C4BPB: variants seen among roughly 807,000 people sequenced by gnomAD.
C4BPB encodes the protein complement component 4 binding protein beta.
Under a neutral mutation model 26.6 loss-of-function variants are expected in C4BPB, and 19 were observed. The ratio of observed to expected loss-of-function variants is 0.71; its 90% CI spans 0.50 to 1.05. C4BPB has a LOEUF of 1.05. Ranked by LOEUF, C4BPB falls within the 50% of genes least tolerant of loss-of-function variation. The pLI, the probability that C4BPB is intolerant of heterozygous loss-of-function variation, is 0.00. For missense variants in C4BPB, 282 were observed against 302.9 expected (o/e 0.93, Z 0.51); for synonymous variants, 118 against 103.5 (o/e 1.14, Z -0.85).
chr1:207,090,317 G>T lies in C4BPB; in HGVS notation c.68G>T (p.Cys23Phe), dbSNP rs1201120041. Reference protein sequence around the residue: ...WRVSASDAEHCPELPPVDNSI... With the variant: ...WRVSASDAEHFPELPPVDNSI... ...TTCTTTTTTCTTCCAGCAGAGCACT[G>T]TCCAGAGCTTCCTCCAGTGGACAAT... Residue 23 changes from cysteine (C) to phenylalanine (F), a missense_variant, in exon 3 of 7, where the codon TGT (cysteine) becomes TTT (phenylalanine). Transcript: ENST00000367078. 1.2e-6 allele frequency: 2 copies of T among 1,612,432 alleles called. No homozygotes were observed. The highest frequency in any genetic ancestry group is 1.7e-5 in the Admixed American group (1 of 59,812).
chr1:207,093,390 G>A (rs552134835), intron 4 of C4BPB, among the ~76,000 whole-genome samples: 195 of 152,250 alleles, frequency 1.3e-3, no homozygotes, highest in Middle Eastern at 3.4e-3. Flanking sequence ...AATACTTGCC[G>A]TATTAGATAG....
chr1:207,093,159 T>C (rs1684105867), intron 4 of C4BPB, among the ~76,000 whole-genome samples: 1 of 152,176 alleles, frequency 6.6e-6, no homozygotes, highest in South Asian at 2.1e-4. Context: ...GAAAATTTAC[T>C]GAAAGATATA....
At chr1:207,093,836 T>C (rs1476278243) in intron 4 of C4BPB, among the ~76,000 whole-genome samples, 2 of 152,042 alleles carry the variant, frequency 1.3e-5, no homozygotes, top group African/African-American at 2.4e-5. Flanking sequence ...TGCAACATAT[T>C]TGATGGTTAA....
chr1:207,090,230 T>C lies in C4BPB; in HGVS notation c.59-78T>C, dbSNP rs546425456. The stretch of plus-strand genomic sequence containing the variant: ...GGATCAATAATCCAGCAAAAAGACA[T>C]GAGAATGGGGAAATCTAATAAGGGT... On this transcript the variant is annotated intron_variant, in intron 2 of 6. Transcript: ENST00000367078. The C allele has an allele frequency of 3.4e-5, 38 of 1,131,698 alleles. No individual in the cohort carries two copies. The East Asian group carries it at 5.3e-4, about 16-fold the overall frequency. The allele number at this position is 1,131,698 out of a possible 1,614,324, so 70.1% of individuals were successfully genotyped here.
rs772368503 is a variant in C4BPB, at chr1:207,091,821, G to T, written c.409+1G>T. On this transcript the variant is annotated splice_donor_variant, in intron 4 of 6. Transcript: ENST00000367078. LOFTEE classifies it high-confidence loss of function. ...CCTCCCTTTCCCATCTGCAAAAGTA[G>T]TAAGTACAAGAGAAACCATCAAGGA... 4 of 1,611,456 alleles carry T rather than the reference G, an allele frequency of 2.5e-6. No individual in the cohort carries two copies. The highest frequency in any genetic ancestry group is 3.4e-6 in the Non-Finnish European group (4 of 1,178,680).
chr1:207,093,155 T>A (rs1684105626), intron 4 of C4BPB, among the ~76,000 whole-genome samples: 1 of 152,146 alleles, frequency 6.6e-6, no homozygotes, highest in Admixed American at 6.5e-5. Flanking sequence ...ATATGAAAAT[T>A]TACTGAAAGA....
At chr1:207,093,393 TTAGA>T (rs1684120462) in intron 4 of C4BPB, among the ~76,000 whole-genome samples, 1 of 152,344 alleles carries the variant, frequency 6.6e-6, no homozygotes, top group African/African-American at 2.4e-5. Flanking sequence ...ACTTGCCGTA[TTAGA>T]TAGTAAAAAA....
chr1:207,095,564 G>C, intron 4 of C4BPB: 1 of 384,756 alleles, frequency 2.6e-6, no homozygotes, highest in Non-Finnish European at 5.2e-6. Context: ...CCTGACCTCA[G>C]GTGATCCACC....
rs1683980639 is a variant in C4BPB, at chr1:207,090,400, A to C, written c.151A>C (p.Lys51Gln). The change falls in exon 3 of 7, where the codon AAG (lysine) becomes CAG (glutamine). Residue 51 changes from lysine to glutamine, a missense_variant. Transcript: ENST00000367078. ...GQILGTYVCIKGYHLVGKKTL... is the reference protein window; with the variant it reads ...GQILGTYVCIQGYHLVGKKTL... ...GATTCTGGGGACTTACGTTTGTATC[A>C]AGGGCTACCACCTGGTAGGAAAGAA... The C allele has an allele frequency of 6.2e-7, 1 of 1,613,918 alleles. No individual in the cohort carries two copies. The highest frequency in any genetic ancestry group is 1.3e-5 in the African/African-American group (1 of 74,900).
chr1:207,094,121 A>G (rs1441500119), intron 4 of C4BPB, among the ~76,000 whole-genome samples: 1 of 152,234 alleles, frequency 6.6e-6, no homozygotes. Flanking sequence ...GGAAATAGCC[A>G]TTTACGTCAG....
rs1274165221 is a variant in C4BPB, at chr1:207,098,207, A to C, written c.561A>C (p.Ala187=). The part of the protein sequence containing the change: ...QQCVDGEWSS[A]LPVCKLIQEA... ...GCGTTGATGGGGAGTGGAGCAGTGC[A>C]CTTCCAGTCTGCAAGTTGATCCAGG... The change falls in exon 6 of 7, where the codon GCA becomes GCC. Residue 187 remains alanine, a synonymous_variant. Transcript: ENST00000367078. The C allele has an allele frequency of 6.2e-7, 1 of 1,614,122 alleles. No individual in the cohort carries two copies. Among genetic ancestry groups the C allele is most frequent in the African/African-American group, 1.3e-5 (1 of 75,058 alleles).
intron 4 of C4BPB, 52 bp from the exon 5 acceptor site, chr1:207,096,470 A>G: frequency 9.2e-7 from 1 of 1,092,498 alleles, no homozygotes; most frequent in Non-Finnish European, 1.4e-6. Context: ...GGTGCTGTTC[A>G]TTGAGCGTGC....
chr1:207,096,907 C>T (rs940538281), intron 5 of C4BPB, among the ~76,000 whole-genome samples: 1 of 152,214 alleles, frequency 6.6e-6, no homozygotes, highest in Non-Finnish European at 1.5e-5. Context: ...CGTGATGGCT[C>T]ACACCTGTAA....
In C4BPB at chr1:207,091,671, T is replaced by G. The variant is rs191950896; in HGVS notation, c.260T>G (p.Val87Gly). 1.4e-5 allele frequency: 22 copies of G among 1,613,992 alleles called. No individual in the cohort carries two copies. Among genetic ancestry groups the G allele is most frequent in the Admixed American group, 5.0e-5 (3 of 60,004 alleles). ...GGCCACTGTCCTGATCCTGTGCTGG[T>G]GAATGGAGAGTTCAGTTCTTCAGGG... is the stretch of plus-strand genomic sequence containing the variant. The part of the protein sequence containing the change: ...RLGHCPDPVL[V>G]NGEFSSSGPV... The change falls in exon 4 of 7, where the codon GTG becomes GGG. Residue 87 changes from valine (V) to glycine (G), a missense_variant. By Grantham distance (109) the Val-to-Gly change is moderately radical. Transcript: ENST00000367078.
rs1277982250 is a variant in C4BPB at position 207,098,302 on chromosome 1, G to C, written c.618+38G>C. On this transcript the variant is annotated intron_variant, in intron 6 of 6. Coordinates refer to ENST00000367078, the MANE Select transcript of C4BPB (RefSeq NM_001017365.3). The stretch of plus-strand genomic sequence containing the variant: ...CTCATATCTGTCTTGTTCACAGCTG[G>C]ATCTCCAGGGCCTGGCATCACTCCT... The C allele has an allele frequency of 6.5e-6, 8 of 1,221,654 alleles. No homozygotes were observed. In the African/African-American group the frequency reaches 7.4e-5, roughly 11 times the overall value. The allele number at this position is 1,221,654 out of a possible 1,614,324, so 75.7% of individuals were successfully genotyped here. A position where few individuals can be genotyped will look rare whatever the true frequency, so the allele number is the denominator to read the frequency against.
chr1:207,098,350 G>A lies in C4BPB; in HGVS notation c.618+86G>A. The A allele has an allele frequency of 1.8e-5, 14 of 788,456 alleles. No individual in the cohort carries two copies. The South Asian group carries it at 2.5e-4, about 14-fold the overall frequency. 48.8% of individuals were successfully genotyped at this position (788,456 alleles called of 1,614,324 possible). On this transcript the variant is annotated intron_variant, in intron 6 of 6. Coordinates refer to ENST00000367078, the MANE Select transcript of C4BPB (RefSeq NM_001017365.3). ...CCTGGCATATGCTCAGTATATATCT[G>A]TTTAATGTGGGACATTTTGCTTTTG... is the stretch of plus-strand genomic sequence containing the variant.
rs915892527 is a variant in C4BPB, at chr1:207,091,890, C to T, written c.409+70C>T. The T allele has an allele frequency of 1.6e-5, 21 of 1,302,936 alleles. No individual in the cohort carries two copies. The East Asian group carries it at 4.6e-4, about 29-fold the overall frequency. The allele number at this position is 1,302,936 out of a possible 1,614,324, so 80.7% of individuals were successfully genotyped here. ...GTAGTCTAAACTTAGACATTTGCCA[C>T]ATCCCTGGGATGCTTTTCTCTTTTT... On this transcript the variant is annotated intron_variant, in intron 4 of 6. Transcript: ENST00000367078.
At chr1:207,096,657 G>A (rs1040302461) in intron 5 of C4BPB, 42 bp downstream of exon 5, 4 of 1,153,836 alleles carry the variant, frequency 3.5e-6, no homozygotes, top group Non-Finnish European at 5.1e-6. Flanking sequence ...CTTGCCCCTT[G>A]GCAGCATTGT....
intron 6 of C4BPB, among the ~76,000 whole-genome samples, chr1:207,098,647 T>C (rs1358976120): frequency 1.3e-5 from 2 of 152,330 alleles, no homozygotes; most frequent in African/African-American, 2.4e-5. Context: ...ATTACATTTA[T>C]TGTGTACTTT....
Sources: gnomAD v4.1 joint callset for allele counts (sites outside exome capture counted in the v4.1 genomes callset) on GRCh38, gnomAD v4.1.1 for gene constraint, MANE v1.5 for transcripts, NCBI Gene and HGNC (gene_info 2026-07-23, HGNC 2026-07-21) for gene names.